The following CACNA1D variants were observed in gnomAD, a reference collection of about 807,000 sequenced individuals.
CACNA1D encodes the protein voltage-dependent L-type calcium channel subunit alpha-1D.
A neutral mutation model predicts 257.1 loss-of-function variants in CACNA1D; 55 were observed. The observed-to-expected ratio is 0.21, with a 90% CI of 0.17 to 0.27. The LOEUF (loss-of-function observed/expected upper bound fraction) is 0.27. Among genes scored for constraint, CACNA1D ranks in the 10% least tolerant of loss-of-function variants. CACNA1D has a pLI of 1.00. For synonymous variants in CACNA1D, 980 were observed against 1,014.9 expected, an observed-to-expected ratio of 0.97 and a Z score of 0.65; for missense variants, 1,876 against 2,784.0, an observed-to-expected ratio of 0.67 and a Z score of 7.34.
intron 3 of CACNA1D, among the ~76,000 whole-genome samples, chr3:53,562,395 T>G (rs1485280419): frequency 1.3e-5 from 2 of 152,252 alleles, no homozygotes; most frequent in Non-Finnish European, 2.9e-5. Flanking sequence ...TTCTCTGATA[T>G]GTAGCTCTAA....
Position 53,810,094 on chromosome 3 carries a change from C to T in CACNA1D, c.5988C>T (p.Cys1996=). The change falls in exon 47 of 48, where the codon TGC becomes TGT. Residue 1996 remains cysteine (C), a synonymous_variant. Transcript: ENST00000350061. ...ATPPYRDWTP[C]YTPLIQVEQS... is the part of the protein sequence containing the mutation. ...CTCCCTACCGGGACTGGACACCGTG[C>T]TACACCCCCCTGATCCAAGTGGAGC... The T allele has an allele frequency of 6.2e-7, 1 of 1,613,972 alleles. No individual in the cohort carries two copies. Among genetic ancestry groups the T allele is most frequent in the Admixed American group, 1.7e-5 (1 of 60,030 alleles).
chr3:53,718,871 C>A, intron 10 of CACNA1D: 1 of 801,172 alleles, frequency 1.2e-6, no homozygotes, highest in East Asian at 2.7e-5. Context: ...ACCTTCCTAA[C>A]CTCAGGCCTG....
chr3:53,612,992 A>G (rs1332261023), intron 3 of CACNA1D, among the ~76,000 whole-genome samples: 1 of 152,210 alleles, frequency 6.6e-6, no homozygotes, highest in Non-Finnish European at 1.5e-5. Flanking sequence ...GTGATCATTT[A>G]TAAACAGGCC....
chr3:53,612,763 CT>C (rs2093596980), intron 3 of CACNA1D, among the ~76,000 whole-genome samples: 1 of 152,152 alleles, frequency 6.6e-6, no homozygotes, highest in African/African-American at 2.4e-5. Flanking sequence ...CAGAATGAAC[CT>C]CCAGGCAGAA....
intron 3 of CACNA1D, among the ~76,000 whole-genome samples, chr3:53,588,187 G>A (rs1347516466): frequency 6.6e-6 from 1 of 152,206 alleles, no homozygotes; most frequent in Non-Finnish European, 1.5e-5. Context: ...GAGCTATGTG[G>A]TGTTTCTCCC....
At chr3:53,795,551 C>T (rs2095503980) in intron 40 of CACNA1D, among the ~76,000 whole-genome samples, 1 of 152,198 alleles carries the variant, frequency 6.6e-6, no homozygotes, top group Non-Finnish European at 1.5e-5. Flanking sequence ...AACTTTGGCT[C>T]TCCCTTCCTC....
intron 40 of CACNA1D, among the ~76,000 whole-genome samples, chr3:53,787,447 G>GTGTGTGTGTGTGTGTGTA (rs2095460741): frequency 6.6e-6 from 1 of 151,148 alleles, no homozygotes; most frequent in Non-Finnish European, 1.5e-5. Flanking sequence ...GTGTGTGTGT[G>GTGTGTGTGTGTGTGTGTA]TGTGTGTATG....
chr3:53,672,665 A>G (rs1214154917), intron 7 of CACNA1D, among the ~76,000 whole-genome samples: 1 of 152,122 alleles, frequency 6.6e-6, no homozygotes, highest in African/African-American at 2.4e-5. Flanking sequence ...TCACTTATCA[A>G]GACAGTTTCC....
chr3:53,763,991 C>T (rs2108961579), intron 30 of CACNA1D, among the ~76,000 whole-genome samples: 1 of 151,608 alleles, frequency 6.6e-6, no homozygotes, highest in East Asian at 1.9e-4. Context: ...TGTAGATTTT[C>T]CCTGTAATAA....
chr3:53,740,005 C>T (rs1242037956), intron 20 of CACNA1D, among the ~76,000 whole-genome samples: 1 of 152,210 alleles, frequency 6.6e-6, no homozygotes, highest in African/African-American at 2.4e-5. Context: ...TAACAAAGCA[C>T]TCTTAGAAAT....
At chr3:53,521,404 A>G (rs745827447) in intron 3 of CACNA1D, among the ~76,000 whole-genome samples, 6 of 152,124 alleles carry the variant, frequency 3.9e-5, no homozygotes, top group African/African-American at 7.2e-5. Context: ...GACGCGTAAT[A>G]TACATTGTTA....
At chr3:53,499,343 T>G (rs2090488044) in intron 2 of CACNA1D, among the ~76,000 whole-genome samples, 1 of 152,084 alleles carries the variant, frequency 6.6e-6, no homozygotes, top group Non-Finnish European at 1.5e-5. Context: ...AATGACAGTT[T>G]CCTTCTAATT....
At chr3:53,760,397 G>A (rs147527546) in intron 29 of CACNA1D, among the ~76,000 whole-genome samples, 1 of 152,260 alleles carries the variant, frequency 6.6e-6, no homozygotes, top group East Asian at 1.9e-4. Context: ...AGTACTTTTT[G>A]TTCTGGTTTT....
chr3:53,772,669 G>A (rs976505303), intron 32 of CACNA1D, among the ~76,000 whole-genome samples, 164 bp from the exon 33 acceptor site: 1 of 152,244 alleles, frequency 6.6e-6, no homozygotes, highest in Non-Finnish European at 1.5e-5. Flanking sequence ...AAGTAGTTGG[G>A]CAGGGCTGGG....
At position 53,539,949 on chromosome 3, in the gene CACNA1D, T is replaced by C. The variant is rs556157602; in HGVS notation, c.483+38229T>C. ...TTTGGTTCATTTTCCCATTGAGTTA[T>C]CTTTTATTGATTCATAGGCATTTTT... On this transcript the variant is annotated intron_variant, in intron 3 of 47. Coordinates refer to ENST00000350061, the MANE Select transcript of CACNA1D (RefSeq NM_001128840.3). Among the ~76,000 whole-genome samples the C allele has an allele frequency of 7.2e-5, 11 of 152,376 alleles. No homozygotes were observed. In the South Asian group the frequency reaches 2.3e-3, roughly 32 times the overall value.
chr3:53,719,896 A>T, intron 11 of CACNA1D, 115 bp downstream of exon 11: 1 of 955,198 alleles, frequency 1.0e-6, no homozygotes. Context: ...GGATTATAAC[A>T]TTGATACTGA....
chr3:53,590,247 G>A (rs922033493), intron 3 of CACNA1D, among the ~76,000 whole-genome samples: 8 of 152,190 alleles, frequency 5.3e-5, no homozygotes, highest in African/African-American at 1.9e-4. Flanking sequence ...GGAGCTTCTA[G>A]ACCGTGTCCT....
intron 7 of CACNA1D, among the ~76,000 whole-genome samples, chr3:53,670,595 T>C (rs2094313281): frequency 6.6e-6 from 1 of 152,178 alleles, no homozygotes; most frequent in East Asian, 1.9e-4. Flanking sequence ...TCCACCTGCC[T>C]TGGCCTCCCA....
chr3:53,538,025 G>A (rs1394735781), intron 3 of CACNA1D, among the ~76,000 whole-genome samples: 6 of 151,204 alleles, frequency 4.0e-5, no homozygotes, highest in Non-Finnish European at 8.8e-5. Flanking sequence ...TGTTTAATGT[G>A]TAGATCAAGT....
Sources: allele counts gnomAD v4.1 joint callset (sites outside exome capture counted in the v4.1 genomes callset), GRCh38; gene constraint gnomAD v4.1.1; transcripts MANE v1.5; gene names NCBI Gene and HGNC (gene_info 2026-07-23, HGNC 2026-07-21).